USP30: variants seen among roughly 807,000 people sequenced by gnomAD.
The protein encoded by USP30 is ubiquitin specific peptidase 30, also known as ubiquitin carboxyl-terminal hydrolase 30.
A neutral mutation model predicts 68.2 loss-of-function variants in USP30; 41 were observed. The observed-to-expected ratio is 0.60, with a 90% confidence interval of 0.47 to 0.78. The LOEUF (loss-of-function observed/expected upper bound fraction) is 0.78, where lower values mean the gene tolerates loss of function less well. Among genes scored for constraint, USP30 ranks in the 30% least tolerant of loss-of-function variants. USP30 has a pLI of 0.00. For missense variants in USP30, 522 were observed against 649.4 expected (o/e 0.80, Z 2.13); for synonymous variants, 229 against 253.7 (o/e 0.90, Z 0.93).
chr12:109,067,319 A>G (rs183989642), intron 3 of USP30, among the ~76,000 whole-genome samples: 8 of 151,402 alleles, frequency 5.3e-5, no homozygotes, highest in Non-Finnish European at 1.2e-4. Context: ...GAGTTTCACC[A>G]TGTTAGCCAG....
At chr12:109,036,844 T>C (rs2040524634) in intron 3 of USP30, among the ~76,000 whole-genome samples, 1 of 152,168 alleles carries the variant, frequency 6.6e-6, no homozygotes, top group African/African-American at 2.4e-5. Flanking sequence ...TCTCTCTGCT[T>C]TCAAAATTCT....
intron 10 of USP30, 43 bp from the exon 11 acceptor site, chr12:109,082,800 C>G (rs1309357720): frequency 3.1e-6 from 5 of 1,609,896 alleles, no homozygotes; most frequent in Non-Finnish European, 3.4e-6. Context: ...TGTATCCTGC[C>G]CCTGAAACAA....
chr12:109,052,197 CAGAGAT>C (rs1379806335), upstream of USP30, among the ~76,000 whole-genome samples: 6 of 152,302 alleles, frequency 3.9e-5, no homozygotes, highest in Admixed American at 2.0e-4. Flanking sequence ...CTGATATCGT[CAGAGAT>C]GGGCCTCATG....
chr12:109,056,574 A>G (rs2040882749), intron 1 of USP30, 108 bp from the exon 2 acceptor site: 8 of 663,280 alleles, frequency 1.2e-5, no homozygotes, highest in Admixed American at 1.1e-4. Flanking sequence ...TTAACTTGCA[A>G]TTAGGTATTT....
intron 3 of USP30, among the ~76,000 whole-genome samples, chr12:109,063,446 G>A (rs1396941323): frequency 6.6e-6 from 1 of 152,142 alleles, no homozygotes; most frequent in Non-Finnish European, 1.5e-5. Flanking sequence ...CATTTTGTTT[G>A]TCCCTCTGTC....
At position 109,081,656 on chromosome 12, in the gene USP30, CACACACAG is replaced by C. The variant is rs1486004630; in HGVS notation, c.780+267_781-266del. On this transcript the variant is annotated intron_variant, in intron 8 of 12. Transcript: ENST00000257548. ...ACACACACACACACACACACACACA[CACACACAG>C]ACATTAACCTCAGATTGAAAGATAC... 8.5e-6 allele frequency: 5 copies of C among 584,898 alleles called. No homozygotes were observed. In the Admixed American group the frequency reaches 1.2e-4, roughly 14 times the overall value. The allele number at this position is 584,898 out of a possible 1,614,324, so 36.2% of individuals were successfully genotyped here.
rs183288690 is a variant in USP30 at position 109,074,349 on chromosome 12, T to C, written c.720+817T>C. On this transcript the variant is annotated intron_variant, in intron 7 of 12. Coordinates refer to ENST00000257548, the MANE Select transcript of USP30 (RefSeq NM_032663.5). ...GCTGTGAACATTTACATACAAGTTT[T>C]TGTGTGGACATATATTTTCACTTCA... Among the ~76,000 whole-genome samples, 188 of 152,354 alleles carry C rather than the reference T, an allele frequency of 1.2e-3. 1 individual carries two copies. The highest frequency in any genetic ancestry group is 4.3e-3 in the African/African-American group (178 of 41,578).
chr12:109,070,640 C>A lies in USP30; in HGVS notation c.481-972C>A, dbSNP rs143646698. On this transcript the variant is annotated intron_variant, in intron 4 of 12. Transcript: ENST00000257548. This position sits in a 1 kb window ranked among gnomAD's most constrained non-coding sequence, Gnocchi z 4.0. ...TTGCTCTGGTGGCAGTGTGAGGGGACACCAAAGGAGAAGCAGAGGGCCTGT... is the reference window on the plus strand; with the variant it reads ...TTGCTCTGGTGGCAGTGTGAGGGGAAACCAAAGGAGAAGCAGAGGGCCTGT... 4.9e-3 allele frequency among the ~76,000 whole-genome samples: 747 copies of A among 152,208 alleles called. 7 individuals carry two copies. Among genetic ancestry groups the A allele is most frequent in the African/African-American group, 0.017 (713 of 41,514 alleles).
intron 7 of USP30, among the ~76,000 whole-genome samples, chr12:109,076,538 A>G (rs140134127): frequency 1.2e-3 from 178 of 152,028 alleles, no homozygotes; most frequent in African/African-American, 4.1e-3. Context: ...GTGTTTTATA[A>G]TTAAGTATGA....
In USP30 at chr12:109,071,780, T is replaced by C. The variant is rs538308102; in HGVS notation, c.579+70T>C. ...ATTTAATAAGTATAGGGGAGGCAAG[T>C]GTAATCTTTGTACAACTTTAAAAGT... On this transcript the variant is annotated intron_variant, in intron 5 of 12. Transcript: ENST00000257548. The C allele has an allele frequency of 1.3e-5, 17 of 1,340,502 alleles. No individual in the cohort carries two copies. The African/African-American group carries it at 2.5e-4, about 19-fold the overall frequency. The allele number at this position is 1,340,502 out of a possible 1,614,324, so 83.0% of individuals were successfully genotyped here.
intron 3 of USP30, among the ~76,000 whole-genome samples, chr12:109,037,742 T>C (rs924757486): frequency 1.3e-5 from 2 of 152,170 alleles, no homozygotes; most frequent in Non-Finnish European, 1.5e-5. Context: ...CTGGAACCAG[T>C]AAATCTTCCA....
At chr12:109,066,829 C>A (rs1189672019) in intron 3 of USP30, among the ~76,000 whole-genome samples, 1 of 152,090 alleles carries the variant, frequency 6.6e-6, no homozygotes, top group Admixed American at 6.6e-5. Context: ...GAGTGTAGCA[C>A]CAAATATGGG....
intron 3 of USP30, among the ~76,000 whole-genome samples, chr12:109,042,841 T>C (rs577902453): frequency 3.9e-5 from 6 of 152,170 alleles, no homozygotes; most frequent in Non-Finnish European, 7.3e-5. Context: ...TGATTTCATA[T>C]GCAGAAAACC....
At chr12:109,055,401 T>TATATATATACATATATATATATACATA (rs61062424) in intron 1 of USP30, among the ~76,000 whole-genome samples, 5 of 29,634 alleles carry the variant, frequency 1.7e-4, no homozygotes, top group Non-Finnish European at 2.6e-4. Context: ...TATATATATA[T>TATATATATACATATATATATATACATA]TTTTTTTTTT....
At chr12:109,051,753 A>G (rs763695829), upstream of USP30, among the ~76,000 whole-genome samples, 1 of 151,778 alleles carries the variant, frequency 6.6e-6, no homozygotes, top group Non-Finnish European at 1.5e-5. Context: ...TATTTTTAGT[A>G]GAGATGGGGT....
intron 3 of USP30, among the ~76,000 whole-genome samples, chr12:109,061,751 T>C (rs1593254644): frequency 2.0e-5 from 3 of 152,258 alleles, no homozygotes; most frequent in Admixed American, 2.0e-4. Flanking sequence ...CATGAATCAG[T>C]TCTCTTTGTA....
chr12:109,048,542 C>T (rs534093794), upstream of USP30, among the ~76,000 whole-genome samples: 3 of 151,920 alleles, frequency 2.0e-5, no homozygotes, highest in African/African-American at 7.2e-5. Flanking sequence ...GAGTTCGAGA[C>T]CAGCCTGGCC....
chr12:109,055,400 A>ATTTTTTTTTTTTT (rs869090869), intron 1 of USP30, among the ~76,000 whole-genome samples: 7 of 24,474 alleles, frequency 2.9e-4, no homozygotes, highest in South Asian at 1.5e-3. Flanking sequence ...ATATATATAT[A>ATTTTTTTTTTTTT]TTTTTTTTTT....
At chr12:109,067,778 T>C in intron 4 of USP30, 151 bp downstream of exon 4, 1 of 639,570 alleles carries the variant, frequency 1.6e-6, no homozygotes, top group Non-Finnish European at 2.7e-6. Context: ...ACTTTGTTCC[T>C]GCTCTCATGA....
Sources: gnomAD v4.1 joint callset for allele counts (sites outside exome capture counted in the v4.1 genomes callset) on GRCh38, gnomAD v4.1.1 for gene constraint, Gnocchi (gnomAD v3.1) non-coding constraint, MANE v1.5 for transcripts, NCBI Gene and HGNC (gene_info 2026-07-23, HGNC 2026-07-21) for gene names.